The following FBXO11 variants were observed in gnomAD, a reference collection of about 807,000 sequenced individuals.
The protein encoded by FBXO11 is F-box protein 11.
A neutral mutation model predicts 117.0 loss-of-function variants in FBXO11; 13 were observed. That is an observed-to-expected ratio of 0.11 (90% CI 0.07 to 0.18). The LOEUF is 0.18. FBXO11 is among the 10% of genes least tolerant of loss of function. FBXO11 has a pLI of 1.00. For missense variants in FBXO11, 767 were observed against 1,164.4 expected (o/e 0.66, Z 4.97); for synonymous variants, 490 against 380.5 (o/e 1.29, Z -3.35).
At chr2:47,851,106 G>A (rs760013704) in intron 1 of FBXO11, among the ~76,000 whole-genome samples, 4 of 152,188 alleles carry the variant, frequency 2.6e-5, no homozygotes, top group Non-Finnish European at 4.4e-5. Context: ...GATATGGCCA[G>A]AGTTATCAAA....
chr2:47,872,535 A>G (rs1401681925), intron 1 of FBXO11, among the ~76,000 whole-genome samples: 5 of 152,178 alleles, frequency 3.3e-5, no homozygotes, highest in Non-Finnish European at 7.3e-5. Flanking sequence ...TGTTGGCCAG[A>G]GTGGTCTAAA....
intron 1 of FBXO11, among the ~76,000 whole-genome samples, chr2:47,887,391 T>C (rs1460742265): frequency 9.2e-5 from 14 of 151,872 alleles, no homozygotes; most frequent in Admixed American, 9.2e-4. Context: ...GAGCTACCTC[T>C]GGGAATGAAA....
chr2:47,862,221 C>A (rs745797280), intron 1 of FBXO11, among the ~76,000 whole-genome samples: 1 of 152,120 alleles, frequency 6.6e-6, no homozygotes, highest in Non-Finnish European at 1.5e-5. Flanking sequence ...TCGTGCCTGG[C>A]CAGTTTTCTT....
At chr2:47,845,118 TC>T (rs1255399303) in intron 1 of FBXO11, among the ~76,000 whole-genome samples, 1 of 152,106 alleles carries the variant, frequency 6.6e-6, no homozygotes, top group African/African-American at 2.4e-5. Flanking sequence ...CTTCTTAAAA[TC>T]TGTGGACCTT....
intron 1 of FBXO11, among the ~76,000 whole-genome samples, chr2:47,878,678 A>T (rs1430977303): frequency 2.2e-4 from 33 of 147,908 alleles, no homozygotes; most frequent in South Asian, 2.2e-4. Context: ...TTTTTTTTTT[A>T]AAGGAATGAA....
chr2:47,904,927 C>CGGG (rs1000128385), intron 1 of FBXO11, among the ~76,000 whole-genome samples: 1 of 149,490 alleles, frequency 6.7e-6, no homozygotes. Flanking sequence ...TGACCAGGGA[C>CGGG]GGGGGGGCGG....
intron 1 of FBXO11, among the ~76,000 whole-genome samples, chr2:47,868,631 T>C (rs997671953): frequency 6.6e-6 from 1 of 152,212 alleles, no homozygotes; most frequent in Admixed American, 6.5e-5. Context: ...ATTGTTGTCA[T>C]TGCCCAGTAG....
Position 47,905,534 on chromosome 2 carries a change from G to A in FBXO11, c.187C>T (p.Pro63Ser), listed in dbSNP as rs1678724352. 8.1e-7 allele frequency: 1 copy of A among 1,236,794 alleles called. No homozygotes were observed. The highest frequency in any genetic ancestry group is 1.0e-6 in the Non-Finnish European group (1 of 992,784). 76.6% of individuals were successfully genotyped at this position (1,236,794 alleles called of 1,614,324 possible). ...CGCTCCTGAGGCAGCGGCGGAGGCG[G>A]CGGTGGCGGCGGCGGAGGCTGCTGC... is the stretch of plus-strand genomic sequence containing the variant. Reference protein sequence around the residue: ...QQQQPPPPPPPPPPLPQERNN... With the variant: ...QQQQPPPPPPSPPPLPQERNN... Residue 63 changes from proline (P) to serine (S), a missense_variant, in exon 1 of 23, where the codon CCG becomes TCG. Pro to Ser is a moderately conservative substitution (Grantham distance 74). This residue lies in a region of FBXO11 where 355 missense variants were observed against 299.8 expected (regional missense o/e 1.18). Transcript: ENST00000403359.
At chr2:47,869,807 G>C (rs1340694226) in intron 1 of FBXO11, among the ~76,000 whole-genome samples, 1 of 152,210 alleles carries the variant, frequency 6.6e-6, no homozygotes, top group Non-Finnish European at 1.5e-5. Context: ...AAACAGGATA[G>C]TCATATCCTA....
At chr2:47,881,247 G>A (rs561813978) in intron 1 of FBXO11, among the ~76,000 whole-genome samples, 1 of 152,142 alleles carries the variant, frequency 6.6e-6, no homozygotes, top group East Asian at 1.9e-4. Flanking sequence ...ACGAGACTCT[G>A]TCTCAAAAAA....
chr2:47,905,985 G>T lies in FBXO11; in HGVS notation c.-265C>A. 2 of 405,950 alleles carry T rather than the reference G, an allele frequency of 4.9e-6. No individual in the cohort carries two copies. Among genetic ancestry groups the T allele is most frequent in the Non-Finnish European group, 8.9e-6 (2 of 225,452 alleles). The allele number at this position is 405,950 out of a possible 1,614,324, so 25.1% of individuals were successfully genotyped here. A position where few individuals can be genotyped will look rare whatever the true frequency, so the allele number is the denominator to read the frequency against. On this transcript the variant is annotated 5_prime_UTR_variant, in exon 1 of 23. Transcript: ENST00000403359. ...GCCGAAGCCGCCGGGCGGGGCGGCC[G>T]CGAGGGACGAAGGCAGAAAGACGGG... is the stretch of plus-strand genomic sequence containing the variant.
intron 1 of FBXO11, among the ~76,000 whole-genome samples, chr2:47,897,788 G>C (rs1451924630): frequency 6.6e-6 from 1 of 151,166 alleles, no homozygotes; most frequent in Admixed American, 6.6e-5. Flanking sequence ...TCTGGAAAAG[G>C]AGTGTTGTTC....
intron 18 of FBXO11, 115 bp downstream of exon 18, chr2:47,813,117 GAA>G: frequency 9.3e-7 from 1 of 1,076,570 alleles, no homozygotes; most frequent in Non-Finnish European, 1.4e-6. Flanking sequence ...ACTTGATAAG[GAA>G]AAAGACTTGA....
At chr2:47,825,602 C>T (rs1382911154) in intron 11 of FBXO11, among the ~76,000 whole-genome samples, 1 of 119,412 alleles carries the variant, frequency 8.4e-6, no homozygotes, top group Non-Finnish European at 1.6e-5. Flanking sequence ...TTTTTAGAGA[C>T]AGGCTCTCAC....
In FBXO11 at chr2:47,808,346, C is replaced by T; in HGVS notation, c.2637G>A (p.Glu879=). 2 of 1,612,168 alleles carry T rather than the reference C, an allele frequency of 1.2e-6. No individual in the cohort carries two copies. Among genetic ancestry groups the T allele is most frequent in the Non-Finnish European group, 1.7e-6 (2 of 1,178,998 alleles). The change falls in exon 22 of 23, where the codon GAG becomes GAA. Residue 879 remains glutamate (E), a synonymous_variant. Coordinates refer to ENST00000403359, the MANE Select transcript of FBXO11 (RefSeq NM_001190274.2). ...CTACATACCTATCATGTCTAATAAA[C>T]TCTACATCATGTCCCTGATGGCACT... ...IKKCHQGHDV[E]FIRHDRFFCD... is the part of the protein sequence containing the mutation.
intron 1 of FBXO11, among the ~76,000 whole-genome samples, chr2:47,873,920 T>C (rs1270594689): frequency 6.6e-6 from 1 of 152,112 alleles, no homozygotes; most frequent in African/African-American, 2.4e-5. Context: ...TTTTTTAAAA[T>C]ATGTAACTTT....
intron 20 of FBXO11, 29 bp downstream of exon 20, chr2:47,809,571 A>G: frequency 1.4e-6 from 2 of 1,475,258 alleles, no homozygotes; most frequent in Non-Finnish European, 1.9e-6. Context: ...TATTGCATAT[A>G]TTTATAGGTA....
intron 11 of FBXO11, among the ~76,000 whole-genome samples, chr2:47,827,311 T>C (rs1671829568): frequency 6.6e-6 from 1 of 152,226 alleles, no homozygotes; most frequent in Admixed American, 6.5e-5. Context: ...ATTTTTTTGT[T>C]TGTTTGTTTT....
intron 1 of FBXO11, among the ~76,000 whole-genome samples, chr2:47,877,770 C>T (rs946067055): frequency 6.6e-6 from 1 of 152,170 alleles, no homozygotes; most frequent in Non-Finnish European, 1.5e-5. Flanking sequence ...CTGCAACCTC[C>T]GACTCCCAGG....
Sources: allele counts gnomAD v4.1 joint callset (sites outside exome capture counted in the v4.1 genomes callset), GRCh38; gene constraint gnomAD v4.1.1; regional missense constraint gnomAD v4.1.1; transcripts MANE v1.5; gene names NCBI Gene and HGNC (gene_info 2026-07-23, HGNC 2026-07-21).